The following GORASP1 variants were observed in gnomAD, a reference collection of about 807,000 sequenced individuals.
GORASP1 encodes the protein golgi reassembly stacking protein 1, also known as Golgi reassembly-stacking protein 1.
GORASP1 carries 31 observed loss-of-function variants against 37.7 expected under a neutral mutation model. The observed-to-expected ratio is 0.82, with a 90% CI of 0.62 to 1.11. GORASP1 has a LOEUF of 1.11. GORASP1 is among the 50% of genes least tolerant of loss of function. GORASP1 has a pLI of 0.00. For missense variants in GORASP1, 476 were observed against 560.7 expected, an observed-to-expected ratio of 0.85 and a Z score of 1.53; for synonymous variants, 204 against 224.8, an observed-to-expected ratio of 0.91 and a Z score of 0.83.
chr3:39,099,824 T>G (rs1322723565), intron 6 of GORASP1, among the ~76,000 whole-genome samples: 2 of 152,158 alleles, frequency 1.3e-5, no homozygotes, highest in Admixed American at 1.3e-4. Context: ...GGGGCTTCCT[T>G]GAATTCAGGC....
intron 1 of GORASP1, 59 bp downstream of exon 1, chr3:39,107,405 GCCGGCGACCGGACGC>G: frequency 9.8e-7 from 1 of 1,019,218 alleles, no homozygotes; most frequent in Non-Finnish European, 1.3e-6. Context: ...TCGCCAGCCA[GCCGGCGACCGGACGC>G]CCGGGCGCGG....
Position 39,098,666 on chromosome 3 carries a change from C to G in GORASP1, c.1069+75G>C. Reference sequence around the variant, plus strand: ...AACCCGATGGCCCACTTCTGCCCAGCTGAGGAATTGAGGGCAGCCTTCCCA... The same window carrying G: ...AACCCGATGGCCCACTTCTGCCCAGGTGAGGAATTGAGGGCAGCCTTCCCA... On this transcript the variant is annotated intron_variant, in intron 8 of 8. Coordinates refer to ENST00000319283, the MANE Select transcript of GORASP1 (RefSeq NM_031899.4). The surrounding 1 kb of genome is among the most constrained non-coding windows in gnomAD (Gnocchi z 4.7). The G allele has an allele frequency of 6.4e-7, 1 of 1,564,096 alleles. No homozygotes were observed. Among genetic ancestry groups the G allele is most frequent in the African/African-American group, 1.3e-5 (1 of 74,158 alleles).
intron 6 of GORASP1, 46 bp from the exon 7 acceptor site, chr3:39,099,549 T>G: frequency 6.3e-7 from 1 of 1,580,742 alleles, no homozygotes; most frequent in Non-Finnish European, 8.6e-7. Context: ...GGACAGTGCC[T>G]CAAGGTGAAG....
At position 39,103,396 on chromosome 3, in the gene GORASP1, T is replaced by C; in HGVS notation, c.144+77A>G. 1.7e-6 allele frequency: 2 copies of C among 1,210,680 alleles called. No individual in the cohort carries two copies. Among genetic ancestry groups the C allele is most frequent in the East Asian group, 2.4e-5 (1 of 42,450 alleles). 75.0% of individuals were successfully genotyped at this position (1,210,680 alleles called of 1,614,324 possible). On this transcript the variant is annotated intron_variant, in intron 2 of 8. Coordinates refer to ENST00000319283, the MANE Select transcript of GORASP1 (RefSeq NM_031899.4). This position sits in a 1 kb window ranked among gnomAD's most constrained non-coding sequence, Gnocchi z 5.2. The stretch of plus-strand genomic sequence containing the variant: ...GAAAAAAAGGGAGGGAAGGGTAGAC[T>C]GGGGCCCCCTGTGGGACAGATGAAG...
At position 39,098,436 on chromosome 3, in the gene GORASP1, C is replaced by T. The variant is rs749090849; in HGVS notation, c.1123G>A (p.Gly375Ser). Residue 375 changes from glycine to serine, a missense_variant, in exon 9 of 9, where the codon GGT becomes AGT. By Grantham distance (56) the Gly-to-Ser change is moderately conservative (BLOSUM62 0). Coordinates refer to ENST00000319283, the MANE Select transcript of GORASP1 (RefSeq NM_031899.4). This position sits in a 1 kb window ranked among gnomAD's most constrained non-coding sequence, Gnocchi z 4.7. ...AGGTGGTCCGCCTGGGCTTGGGCAC[C>T]TGGGCTGTCCAGGAAGGAGACCTCA... is the stretch of plus-strand genomic sequence containing the variant. ...EFEVSFLDSP[G>S]AQAQADHLPQ... 3 of 1,614,172 alleles carry T rather than the reference C, an allele frequency of 1.9e-6. No individual in the cohort carries two copies. Among genetic ancestry groups the T allele is most frequent in the Admixed American group, 1.7e-5 (1 of 60,018 alleles).
intron 3 of GORASP1, chr3:39,101,358 C>G: frequency 3.3e-6 from 2 of 597,050 alleles, no homozygotes; most frequent in East Asian, 5.9e-5. Context: ...GGGCTCAACC[C>G]CTGGCTCCAG....
At position 39,100,897 on chromosome 3, in the gene GORASP1, C is replaced by A. The variant is rs1350506815; in HGVS notation, c.436-20G>T. ...CTCGGACTGTGAGAAACGCATAGCA[C>A]CTGAGGCCTGCTTCCAGGGCTAAAG... On this transcript the variant is annotated intron_variant, in intron 4 of 8. Transcript: ENST00000319283. The surrounding 1 kb of genome is among the most constrained non-coding windows in gnomAD (Gnocchi z 4.6). 1 of 1,614,024 alleles carries A rather than the reference C, an allele frequency of 6.2e-7. No homozygotes were observed. The highest frequency in any genetic ancestry group is 8.5e-7 in the Non-Finnish European group (1 of 1,180,000).
rs1575461495 is a variant in GORASP1, at chr3:39,102,918, A to C, written c.145-37T>G. 2 of 1,591,314 alleles carry C rather than the reference A, an allele frequency of 1.3e-6. No homozygotes were observed. The highest frequency in any genetic ancestry group is 4.5e-5 in the East Asian group (2 of 44,792). The stretch of plus-strand genomic sequence containing the variant: ...ATGGGGCTGACTCCAAGGCCACCTC[A>C]TGCCCAGGCTAGGACCCTCAGACAA... On this transcript the variant is annotated intron_variant, in intron 2 of 8. Transcript: ENST00000319283. The surrounding 1 kb of genome is among the most constrained non-coding windows in gnomAD (Gnocchi z 5.0).
chr3:39,099,337 AG>A lies in GORASP1; in HGVS notation c.916+15del. ...CCAAGCCTGGGGCCCACTCCTCTCC[AG>A]GGCCTGCCCAGTACCTGGGTCCATA... On this transcript the variant is annotated intron_variant, in intron 7 of 8. Transcript: ENST00000319283. 6.2e-7 allele frequency: 1 copy of A among 1,612,220 alleles called. No homozygotes were observed. The highest frequency in any genetic ancestry group is 8.5e-7 in the Non-Finnish European group (1 of 1,179,164).
intron 1 of GORASP1, among the ~76,000 whole-genome samples, chr3:39,106,313 G>A (rs1389596181): frequency 6.6e-6 from 1 of 152,010 alleles, no homozygotes; most frequent in Non-Finnish European, 1.5e-5. Context: ...GGCCCCTCCC[G>A]TCTTCGAAGC....
In GORASP1 at chr3:39,098,850, A is replaced by G; in HGVS notation, c.960T>C (p.Asn320=). ...VSGISLLDNS[N]ASVWPSLPSS... is the part of the protein sequence containing the mutation. ...AGGGCAGGCTGGGCCACACACTGGC[A>G]TTGCTGTTGTCCAAGAGAGAAATTC... The change falls in exon 8 of 9, where the codon AAT becomes AAC. Residue 320 remains asparagine (N), a synonymous_variant. Coordinates refer to ENST00000319283, the MANE Select transcript of GORASP1 (RefSeq NM_031899.4). This position sits in a 1 kb window ranked among gnomAD's most constrained non-coding sequence, Gnocchi z 4.7. The G allele has an allele frequency of 6.2e-7, 1 of 1,614,138 alleles. No individual in the cohort carries two copies. The highest frequency in any genetic ancestry group is 1.3e-5 in the African/African-American group (1 of 75,052).
rs1411804795 is a variant in GORASP1, at chr3:39,097,865, G to A, written c.*371C>T. On this transcript the variant is annotated 3_prime_UTR_variant, in exon 9 of 9. Transcript: ENST00000319283. ...CAGTGTTTGGGACTTGAAAGGGGGT[G>A]GTCCCAGGGCTCCAGGGTCCCTTCC... is the stretch of plus-strand genomic sequence containing the variant. 3 of 199,782 alleles carry A rather than the reference G, an allele frequency of 1.5e-5. No individual in the cohort carries two copies. Among genetic ancestry groups the A allele is most frequent in the Non-Finnish European group, 3.0e-5 (3 of 99,698 alleles). The allele number at this position is 199,782 out of a possible 1,614,324, so 12.4% of individuals were successfully genotyped here.
At chr3:39,101,135 T>A in intron 3 of GORASP1, 33 bp from the exon 4 acceptor site, 1 of 1,601,380 alleles carries the variant, frequency 6.2e-7, no homozygotes, top group South Asian at 1.1e-5. Flanking sequence ...CTGGCCATGC[T>A]ACTAGAGGTG....
chr3:39,098,063 A>C lies in GORASP1; in HGVS notation c.*173T>G. 2.8e-6 allele frequency: 2 copies of C among 712,508 alleles called. No individual in the cohort carries two copies. Among genetic ancestry groups the C allele is most frequent in the Non-Finnish European group, 4.6e-6 (2 of 436,244 alleles). The allele number at this position is 712,508 out of a possible 1,614,324, so 44.1% of individuals were successfully genotyped here. On this transcript the variant is annotated 3_prime_UTR_variant, in exon 9 of 9. Transcript: ENST00000319283. This position sits in a 1 kb window ranked among gnomAD's most constrained non-coding sequence, Gnocchi z 4.7. ...AGGACCAAGCACTGGACCTGAGGGT[A>C]CACGGCCAAAAGATATCCTCCCACA...
Position 39,098,902 on chromosome 3 carries a change from GGGT to G in GORASP1, c.917-12_917-10del, listed in dbSNP as rs2035514439. ...CGACACGTCCAGGAAGCCTAGGGGA[GGGT>G]GGTGCAGTTCTTTGCCAGCAAGAAA... is the stretch of plus-strand genomic sequence containing the variant. On this transcript the variant is annotated splice_polypyrimidine_tract_variant and intron_variant, in intron 7 of 8. Coordinates refer to ENST00000319283, the MANE Select transcript of GORASP1 (RefSeq NM_031899.4). The surrounding 1 kb of genome is among the most constrained non-coding windows in gnomAD (Gnocchi z 4.7). The G allele has an allele frequency of 6.2e-7, 1 of 1,613,582 alleles. No homozygotes were observed. Among genetic ancestry groups the G allele is most frequent in the Non-Finnish European group, 8.5e-7 (1 of 1,179,812 alleles).
rs771178857 is a variant in GORASP1 at position 39,098,903 on chromosome 3, G to C, written c.917-10C>G. On this transcript the variant is annotated splice_polypyrimidine_tract_variant and intron_variant, in intron 7 of 8. Transcript: ENST00000319283. This position sits in a 1 kb window ranked among gnomAD's most constrained non-coding sequence, Gnocchi z 4.7. ...GACACGTCCAGGAAGCCTAGGGGAG[G>C]GTGGTGCAGTTCTTTGCCAGCAAGA... The C allele has an allele frequency of 8.1e-6, 13 of 1,613,448 alleles. No homozygotes were observed. The highest frequency in any genetic ancestry group is 1.1e-5 in the Non-Finnish European group (13 of 1,179,802).
At chr3:39,106,828 T>C in intron 1 of GORASP1, 2 of 277,810 alleles carry the variant, frequency 7.2e-6, no homozygotes, top group Non-Finnish European at 1.5e-5. Context: ...TCCGGAAGCC[T>C]GCTCGCCCAG....
rs1356868181 is a variant in GORASP1 at position 39,099,544 on chromosome 3, G to A, written c.766-41C>T. On this transcript the variant is annotated intron_variant, in intron 6 of 8. Transcript: ENST00000319283. ...AAATGGGTAGGGGACAATCAGGACA[G>A]TGCCTCAAGGTGAAGAATTTTGCAG... The A allele has an allele frequency of 1.1e-5, 18 of 1,583,310 alleles. No homozygotes were observed. The East Asian group carries it at 2.0e-4, about 18-fold the overall frequency.
chr3:39,103,452 G>T lies in GORASP1; in HGVS notation c.144+21C>A. On this transcript the variant is annotated intron_variant, in intron 2 of 8. Transcript: ENST00000319283. This position sits in a 1 kb window ranked among gnomAD's most constrained non-coding sequence, Gnocchi z 5.2. ...CAAACACACATAAGCAAGCAAAGCA[G>T]AGGCAGGTTGGGGAACTCACCAGCC... The T allele has an allele frequency of 6.3e-7, 1 of 1,599,682 alleles. No homozygotes were observed. The highest frequency in any genetic ancestry group is 1.1e-5 in the South Asian group (1 of 89,388).
Sources: allele counts gnomAD v4.1 joint callset (sites outside exome capture counted in the v4.1 genomes callset), GRCh38; gene constraint gnomAD v4.1.1; non-coding constraint Gnocchi (gnomAD v3.1); transcripts MANE v1.5; gene names NCBI Gene and HGNC (gene_info 2026-07-23, HGNC 2026-07-21).